The following NCOA7 variants were observed in gnomAD, a reference collection of about 807,000 sequenced individuals.
NCOA7 encodes 140 kDa estrogen receptor-associated protein.
Under a neutral mutation model 104.3 loss-of-function variants are expected in NCOA7, and 45 were observed. That is an observed-to-expected ratio of 0.43 (90% CI 0.34 to 0.55). The LOEUF is 0.55. NCOA7 is among the 20% of genes least tolerant of loss of function. The probability of loss-of-function intolerance (pLI) is 0.02; values close to 1 mark genes in which losing one functional copy is unlikely to be tolerated. For missense variants in NCOA7, 1,041 were observed against 1,119.7 expected (o/e 0.93, Z 1.00); for synonymous variants, 398 against 402.3 (o/e 0.99, Z 0.13).
At chr6:125,857,443 T>A (rs199519226) in intron 3 of NCOA7, among the ~76,000 whole-genome samples, 12,620 of 84,020 alleles carry the variant, frequency 0.15, 619 homozygotes, top group African/African-American at 0.24. Context: ...ATATATATAT[T>A]TTTTTTTTTA....
chr6:125,876,358 TACC>T (rs1783377762), intron 4 of NCOA7, among the ~76,000 whole-genome samples: 1 of 152,206 alleles, frequency 6.6e-6, no homozygotes, highest in African/African-American at 2.4e-5. Flanking sequence ...TATCTTATAT[TACC>T]ATTGTCTAAA....
chr6:125,893,505 C>A (rs570591275), intron 10 of NCOA7, among the ~76,000 whole-genome samples: 1 of 152,118 alleles, frequency 6.6e-6, no homozygotes, highest in African/African-American at 2.4e-5. Flanking sequence ...TGTACCAAAT[C>A]TCTCCTTCTT....
chr6:125,829,719 AG>A (rs1253611241), intron 2 of NCOA7, among the ~76,000 whole-genome samples: 1 of 152,194 alleles, frequency 6.6e-6, no homozygotes, highest in Non-Finnish European at 1.5e-5. Flanking sequence ...TTAGCTGTAT[AG>A]TCATATCATA....
At chr6:125,921,630 C>A (rs1007933537) in intron 12 of NCOA7, among the ~76,000 whole-genome samples, 1 of 152,032 alleles carries the variant, frequency 6.6e-6, no homozygotes, top group African/African-American at 2.4e-5. Flanking sequence ...CATTTCTAAT[C>A]TTAAAAAAAT....
rs148162282 is a variant in NCOA7 at position 125,847,078 on chromosome 6, A to G, written c.51-7942A>G. Among the ~76,000 whole-genome samples, 1,441 of 152,374 alleles carry G rather than the reference A, an allele frequency of 9.5e-3. 16 individuals carry two copies. Among genetic ancestry groups the G allele is most frequent in the African/African-American group, 0.033 (1,355 of 41,592 alleles). On this transcript the variant is annotated intron_variant, in intron 2 of 15. Coordinates refer to ENST00000392477, the MANE Select transcript of NCOA7 (RefSeq NM_181782.5). The stretch of plus-strand genomic sequence containing the variant: ...TTCAAAGACTACTTAAAATATTTTT[A>G]ATATGTAATTGTACATGGTATAAAA...
chr6:125,784,302 G>A (rs943826692), intron 1 of NCOA7, among the ~76,000 whole-genome samples: 2 of 152,142 alleles, frequency 1.3e-5, no homozygotes, highest in African/African-American at 4.8e-5. Context: ...AACAAAACAG[G>A]ATCCCTGACC....
intron 10 of NCOA7, among the ~76,000 whole-genome samples, chr6:125,903,168 T>C (rs1407773904): frequency 6.6e-6 from 1 of 152,144 alleles, no homozygotes. Flanking sequence ...ATAAAGACCT[T>C]TGAGGTGTAT....
intron 1 of NCOA7, among the ~76,000 whole-genome samples, chr6:125,808,762 T>C (rs993933114): frequency 3.3e-5 from 5 of 152,230 alleles, no homozygotes; most frequent in African/African-American, 7.2e-5. Context: ...GCCAGTGACT[T>C]TTTAGAAATC....
At chr6:125,845,072 G>C (rs573999860) in intron 2 of NCOA7, among the ~76,000 whole-genome samples, 1 of 152,260 alleles carries the variant, frequency 6.6e-6, no homozygotes, top group South Asian at 2.1e-4. Flanking sequence ...AGTACAAGAC[G>C]ATTCAAACAC....
chr6:125,920,039 A>G (rs1787434908), intron 11 of NCOA7, among the ~76,000 whole-genome samples: 2 of 152,256 alleles, frequency 1.3e-5, no homozygotes, highest in African/African-American at 2.4e-5. Flanking sequence ...AAAGTAATCC[A>G]GTGATTTATC....
intron 10 of NCOA7, among the ~76,000 whole-genome samples, chr6:125,896,442 T>G (rs1445815405): frequency 1.3e-5 from 2 of 152,204 alleles, no homozygotes; most frequent in African/African-American, 2.4e-5. Flanking sequence ...CTGTTTGATA[T>G]AAGGTAAGGC....
At chr6:125,892,297 A>G (rs560538446) in intron 10 of NCOA7, among the ~76,000 whole-genome samples, 2 of 152,296 alleles carry the variant, frequency 1.3e-5, no homozygotes, top group East Asian at 1.9e-4. Context: ...AATTGAAGCA[A>G]TCCCACACAT....
intron 2 of NCOA7, among the ~76,000 whole-genome samples, chr6:125,841,086 T>G (rs1269639702): frequency 6.6e-6 from 1 of 151,260 alleles, no homozygotes; most frequent in African/African-American, 2.4e-5. Context: ...AGAGACAGGA[T>G]TTCACTTTGT....
At chr6:125,903,199 A>T in intron 10 of NCOA7, among the ~76,000 whole-genome samples, 1 of 152,224 alleles carries the variant, frequency 6.6e-6, no homozygotes, top group South Asian at 2.1e-4. Context: ...GATTAAGGCC[A>T]AATTTGTAAT....
chr6:125,915,748 A>G (rs1434373553), intron 11 of NCOA7, among the ~76,000 whole-genome samples: 1 of 152,062 alleles, frequency 6.6e-6, no homozygotes, highest in Non-Finnish European at 1.5e-5. Flanking sequence ...TTCAGAGCTC[A>G]GCAAATTTTT....
chr6:125,914,876 T>C (rs990070102), intron 10 of NCOA7, among the ~76,000 whole-genome samples: 3 of 152,218 alleles, frequency 2.0e-5, no homozygotes, highest in Non-Finnish European at 4.4e-5. Flanking sequence ...CACTTTCTAG[T>C]TGTCAAAGAT....
chr6:125,882,335 T>C, intron 6 of NCOA7, 91 bp from the exon 7 acceptor site: 1 of 1,295,688 alleles, frequency 7.7e-7, no homozygotes, highest in Non-Finnish European at 1.1e-6. Flanking sequence ...AGAAATAGTA[T>C]ACTCACAGGG....
intron 1 of NCOA7, among the ~76,000 whole-genome samples, chr6:125,804,069 T>C (rs1776177673): frequency 6.6e-6 from 1 of 152,164 alleles, no homozygotes; most frequent in Non-Finnish European, 1.5e-5. Flanking sequence ...TTGGCACATA[T>C]TCTCTGCAAG....
intron 2 of NCOA7, among the ~76,000 whole-genome samples, chr6:125,841,418 T>C (rs981142020): frequency 3.9e-5 from 6 of 152,138 alleles, no homozygotes; most frequent in African/African-American, 1.4e-4. Flanking sequence ...TCAGAATGTA[T>C]CCCTGTCGTT....
Sources: allele counts gnomAD v4.1 joint callset (sites outside exome capture counted in the v4.1 genomes callset), GRCh38; gene constraint gnomAD v4.1.1; transcripts MANE v1.5; gene names NCBI Gene and HGNC (gene_info 2026-07-23, HGNC 2026-07-21).